TRIM54: variants seen among roughly 807,000 people sequenced by gnomAD.
TRIM54 encodes tripartite motif containing 54.
In TRIM54, 40 loss-of-function variants were observed where a neutral mutation model predicts 42.0. The observed-to-expected ratio is 0.95, with a 90% CI of 0.74 to 1.24. The LOEUF is 1.24. Ranked by LOEUF, TRIM54 falls within the 50% of genes most tolerant of loss-of-function variation. The pLI, the probability that TRIM54 is intolerant of heterozygous loss-of-function variation, is 0.00. For synonymous variants in TRIM54, 199 were observed against 194.9 expected, an observed-to-expected ratio of 1.02 and a Z score of -0.17; for missense variants, 485 against 480.3, an observed-to-expected ratio of 1.01 and a Z score of -0.09.
intron 2 of TRIM54, among the ~76,000 whole-genome samples, 159 bp downstream of exon 2, chr2:27,298,898 A>C (rs1357566506): frequency 1.3e-5 from 2 of 152,140 alleles, no homozygotes; most frequent in African/African-American, 4.8e-5. Flanking sequence ...CAGGCCTCCC[A>C]GAGAGGGCAG....
At chr2:27,287,112 G>A (rs1456110912) in intron 1 of TRIM54, among the ~76,000 whole-genome samples, 1 of 152,170 alleles carries the variant, frequency 6.6e-6, no homozygotes. Flanking sequence ...CTCCTCTGAC[G>A]GGTTTCTTTG....
chr2:27,283,596 G>A (rs1678446028), intron 1 of TRIM54, among the ~76,000 whole-genome samples: 1 of 151,930 alleles, frequency 6.6e-6, no homozygotes, highest in Non-Finnish European at 1.5e-5. Flanking sequence ...ATGGGGCCAA[G>A]CAGAGCTAAT....
At chr2:27,290,748 G>A (rs927710054) in intron 1 of TRIM54, among the ~76,000 whole-genome samples, 3 of 152,288 alleles carry the variant, frequency 2.0e-5, no homozygotes, top group Admixed American at 2.0e-4. Context: ...ATTTCCGTTG[G>A]TGACAAAGTC....
intron 3 of TRIM54, among the ~76,000 whole-genome samples, chr2:27,304,222 A>G (rs1679115980): frequency 8.2e-6 from 1 of 122,644 alleles, no homozygotes; most frequent in Admixed American, 9.7e-5. Context: ...AAATATATAT[A>G]TATAGATAGA....
Position 27,299,243 on chromosome 2 carries a change from A to G in TRIM54, c.342-2A>G. 6.2e-7 allele frequency: 1 copy of G among 1,613,742 alleles called. No individual in the cohort carries two copies. Among genetic ancestry groups the G allele is most frequent in the Non-Finnish European group, 8.5e-7 (1 of 1,180,016 alleles). ...CACCTCCCCCTGCCCACTCCTCTCT[A>G]GGCCGCTGCACTCCAAGGCTGAGCA... On this transcript the variant is annotated splice_acceptor_variant, in intron 2 of 8. Coordinates refer to ENST00000380075, the MANE Select transcript of TRIM54 (RefSeq NM_187841.3). LOFTEE classifies it high-confidence loss of function.
intron 4 of TRIM54, chr2:27,305,307 G>C: frequency 1.7e-6 from 1 of 586,964 alleles, no homozygotes. Flanking sequence ...TGATGATAAT[G>C]ATACACCAGC....
rs1234418155 is a variant in TRIM54, at chr2:27,307,432, C to T, written c.*547C>T. The T allele has an allele frequency of 7.0e-6, 11 of 1,571,560 alleles. No homozygotes were observed. Among genetic ancestry groups the T allele is most frequent in the South Asian group, 3.4e-5 (3 of 87,088 alleles). On this transcript the variant is annotated 3_prime_UTR_variant, in exon 9 of 9. Transcript: ENST00000380075. This position sits in a 1 kb window ranked among gnomAD's most constrained non-coding sequence, Gnocchi z 6.9. ...CAGTACTTTTATTAAAAAATAGTCACGCAGACAGTGCCCTGGTGGCTCTGC... is the reference window on the plus strand; with the variant it reads ...CAGTACTTTTATTAAAAAATAGTCATGCAGACAGTGCCCTGGTGGCTCTGC...
intron 1 of TRIM54, among the ~76,000 whole-genome samples, chr2:27,285,666 C>T (rs1471579703): frequency 6.6e-6 from 1 of 152,182 alleles, no homozygotes; most frequent in Non-Finnish European, 1.5e-5. Flanking sequence ...CCCCCACCTG[C>T]CTTTGTTCAC....
At chr2:27,305,146 C>A in intron 4 of TRIM54, 92 bp downstream of exon 4, 1 of 1,146,988 alleles carries the variant, frequency 8.7e-7, no homozygotes, top group Non-Finnish European at 1.3e-6. Flanking sequence ...GACCTCTCGC[C>A]AAACTGGTCT....
chr2:27,286,874 C>T (rs1678582255), intron 1 of TRIM54, among the ~76,000 whole-genome samples: 1 of 152,154 alleles, frequency 6.6e-6, no homozygotes, highest in Non-Finnish European at 1.5e-5. Flanking sequence ...TACAGGCCTG[C>T]CAGAGAAGAT....
intron 1 of TRIM54, among the ~76,000 whole-genome samples, chr2:27,283,709 G>A (rs1257642599): frequency 6.6e-6 from 1 of 151,150 alleles, no homozygotes; most frequent in Non-Finnish European, 1.5e-5. Context: ...TGCTACTGGG[G>A]AGGTTCTAGT....
chr2:27,291,583 G>A (rs1678721845), intron 1 of TRIM54, among the ~76,000 whole-genome samples: 1 of 152,106 alleles, frequency 6.6e-6, no homozygotes, highest in South Asian at 2.1e-4. Flanking sequence ...ACACAATGAG[G>A]GCGTCTAAGC....
chr2:27,305,711 T>C lies in TRIM54; in HGVS notation c.737T>C (p.Val246Ala). Reference sequence around the variant, plus strand: ...GAGCAAGAGGAGAAGCTGCAGCGCGTCCGCGGCCTCATCCGTCAGTATGGC... The same window carrying C: ...GAGCAAGAGGAGAAGCTGCAGCGCGCCCGCGGCCTCATCCGTCAGTATGGC... ...AREQEEKLQR[V>A]RGLIRQYGDH... is the part of the protein sequence containing the mutation. Residue 246 changes from valine (V) to alanine (A), a missense_variant, in exon 5 of 9, where the codon GTC becomes GCC. Val to Ala is a moderately conservative substitution (Grantham distance 64). Coordinates refer to ENST00000380075, the MANE Select transcript of TRIM54 (RefSeq NM_187841.3). 6.2e-7 allele frequency: 1 copy of C among 1,612,346 alleles called. No homozygotes were observed. Among genetic ancestry groups the C allele is most frequent in the Non-Finnish European group, 8.5e-7 (1 of 1,179,360 alleles).
chr2:27,294,531 C>T (rs1372084275), intron 1 of TRIM54, among the ~76,000 whole-genome samples: 1 of 152,132 alleles, frequency 6.6e-6, no homozygotes, highest in African/African-American at 2.4e-5. Context: ...TAGCTCATGA[C>T]CGTGTACAAT....
chr2:27,290,847 T>C (rs985860824), intron 1 of TRIM54, among the ~76,000 whole-genome samples: 12 of 152,202 alleles, frequency 7.9e-5, no homozygotes, highest in African/African-American at 2.9e-4. Context: ...AGATGTTACC[T>C]ATAAGGGGCA....
At chr2:27,295,668 G>T (rs1469767725) in intron 1 of TRIM54, among the ~76,000 whole-genome samples, 2 of 152,208 alleles carry the variant, frequency 1.3e-5, no homozygotes, top group Non-Finnish European at 2.9e-5. Context: ...GGAAGAGGAA[G>T]GGTGCAGTGA....
At chr2:27,298,164 T>A (rs143579747) in intron 1 of TRIM54, among the ~76,000 whole-genome samples, 37 of 152,176 alleles carry the variant, frequency 2.4e-4, no homozygotes, top group African/African-American at 8.9e-4. Context: ...GAGAATCTCC[T>A]CCAGTTGTGG....
At chr2:27,283,411 C>T (rs146941813) in intron 1 of TRIM54, among the ~76,000 whole-genome samples, 4 of 152,230 alleles carry the variant, frequency 2.6e-5, no homozygotes, top group Admixed American at 6.5e-5. Flanking sequence ...CAGAGTTAGA[C>T]ATAGTGGGCA....
Position 27,306,529 on chromosome 2 carries a change from G to GGATGGGCCTTAAGGTGAGAGCCGCCC in TRIM54, c.*1+9_*1+34dup, listed in dbSNP as rs780557491. 9.6e-6 allele frequency: 15 copies of GGATGGGCCTTAAGGTGAGAGCCGCCC among 1,555,566 alleles called. No homozygotes were observed. The highest frequency in any genetic ancestry group is 2.4e-5 in the South Asian group (2 of 84,650). On this transcript the variant is annotated stop_gained and frameshift_variant, in exon 8 of 9. Transcript: ENST00000380075. LOFTEE classifies it high-confidence loss of function. The surrounding 1 kb of genome is among the most constrained non-coding windows in gnomAD (Gnocchi z 6.1). ...GCGCGGGGCCGGAGGAAGAGCGGCC[G>GGATGGGCCTTAAGGTGAGAGCCGCCC]GATGGGCCTTAAGGTGAGAGCCGCC...
Sources: gnomAD v4.1 joint callset for allele counts (sites outside exome capture counted in the v4.1 genomes callset) on GRCh38, gnomAD v4.1.1 for gene constraint, Gnocchi (gnomAD v3.1) non-coding constraint, MANE v1.5 for transcripts, NCBI Gene and HGNC (gene_info 2026-07-23, HGNC 2026-07-21) for gene names.